TMEM117: variants seen among roughly 807,000 people sequenced by gnomAD.
TMEM117 encodes the protein transmembrane protein 117.
TMEM117 carries 27 observed loss-of-function variants against 52.4 expected under a neutral mutation model. The ratio of observed to expected loss-of-function variants is 0.51; its 90% confidence interval spans 0.38 to 0.71. The LOEUF is 0.71. Among genes scored for constraint, TMEM117 ranks in the 30% least tolerant of loss-of-function variants. The pLI is 0.00. For synonymous variants in TMEM117, 215 were observed against 206.3 expected (o/e 1.04, Z -0.36); for missense variants, 556 against 630.5 (o/e 0.88, Z 1.26).
chr12:44,126,641 GC>G (rs1948329882), intron 3 of TMEM117, among the ~76,000 whole-genome samples: 1 of 152,164 alleles, frequency 6.6e-6, no homozygotes, highest in Admixed American at 6.5e-5. Context: ...AGTACACAGT[GC>G]GCTAGTTGCA....
chr12:43,980,993 A>C (rs999455531), intron 3 of TMEM117, among the ~76,000 whole-genome samples: 4 of 152,164 alleles, frequency 2.6e-5, no homozygotes, highest in Admixed American at 6.5e-5. Flanking sequence ...TTATCTAGAT[A>C]GGTTTCTTTA....
Position 44,319,689 on chromosome 12 carries a change from A to G in TMEM117, c.768+19950A>G, listed in dbSNP as rs769792739. 5.5e-4 allele frequency among the ~76,000 whole-genome samples: 84 copies of G among 152,338 alleles called. 1 individual carries two copies. Among genetic ancestry groups the G allele is most frequent in the Non-Finnish European group, 8.2e-4 (56 of 68,032 alleles). ...CTGATGACGTAAATACAAAAGTGCTAAGTTCTTACATTTATTAAATGAGTG... is the reference window on the plus strand; with the variant it reads ...CTGATGACGTAAATACAAAAGTGCTGAGTTCTTACATTTATTAAATGAGTG... On this transcript the variant is annotated intron_variant, in intron 6 of 7. Coordinates refer to ENST00000266534, the MANE Select transcript of TMEM117 (RefSeq NM_032256.3).
intron 3 of TMEM117, among the ~76,000 whole-genome samples, chr12:44,129,286 T>C (rs1454658171): frequency 1.3e-5 from 2 of 152,180 alleles, no homozygotes. Flanking sequence ...CCATCCACTT[T>C]CCCCACAGTT....
chr12:44,090,290 G>A (rs1281103292), intron 3 of TMEM117, among the ~76,000 whole-genome samples: 1 of 152,010 alleles, frequency 6.6e-6, no homozygotes, highest in Non-Finnish European at 1.5e-5. Context: ...AGTAAACATA[G>A]CCTCTGATAG....
At chr12:43,923,880 T>G (rs61932977) in intron 2 of TMEM117, among the ~76,000 whole-genome samples, 15,263 of 152,158 alleles carry the variant, frequency 0.1, 925 homozygotes, top group Middle Eastern at 0.22. Flanking sequence ...TAGTCAGCAG[T>G]GTTTAATTCA....
intron 3 of TMEM117, among the ~76,000 whole-genome samples, chr12:44,046,644 A>G (rs1946884937): frequency 6.6e-6 from 1 of 152,220 alleles, no homozygotes; most frequent in Non-Finnish European, 1.5e-5. Flanking sequence ...GAAGGTAGTC[A>G]TCAATACCAG....
At chr12:43,877,027 G>T (rs951145453) in intron 2 of TMEM117, among the ~76,000 whole-genome samples, 2 of 151,972 alleles carry the variant, frequency 1.3e-5, no homozygotes, top group African/African-American at 2.4e-5. Context: ...TTGTTCCATT[G>T]AGTGTGTCTA....
chr12:44,285,843 G>C (rs2138607773), intron 5 of TMEM117, among the ~76,000 whole-genome samples: 1 of 152,282 alleles, frequency 6.6e-6, no homozygotes, highest in South Asian at 2.1e-4. Flanking sequence ...TGTTTGAACT[G>C]GTTCTTGGTT....
chr12:43,986,915 A>G (rs917253270), intron 3 of TMEM117, among the ~76,000 whole-genome samples: 2 of 152,090 alleles, frequency 1.3e-5, no homozygotes, highest in African/African-American at 4.8e-5. Context: ...TTTTATTTCC[A>G]TAAGTTTTAT....
At chr12:44,372,242 G>A (rs1014224286) in intron 6 of TMEM117, among the ~76,000 whole-genome samples, 2 of 152,186 alleles carry the variant, frequency 1.3e-5, no homozygotes, top group Admixed American at 6.5e-5. Flanking sequence ...CCCAGGATTA[G>A]CCTCTCTACC....
intron 3 of TMEM117, among the ~76,000 whole-genome samples, chr12:43,953,564 A>C (rs1459201881): frequency 6.6e-6 from 1 of 152,190 alleles, no homozygotes; most frequent in African/African-American, 2.4e-5. Context: ...AGGGCATTAC[A>C]TAATGTTAAA....
At chr12:44,284,246 A>G (rs1950611801) in intron 5 of TMEM117, among the ~76,000 whole-genome samples, 1 of 151,946 alleles carries the variant, frequency 6.6e-6, no homozygotes, top group African/African-American at 2.4e-5. Context: ...CGAGAGGTGG[A>G]GGTTTCAGTG....
rs536379642 is a variant in TMEM117 at position 43,959,028 on chromosome 12, T to C, written c.410+14686T>C. On this transcript the variant is annotated intron_variant, in intron 3 of 7. Coordinates refer to ENST00000266534, the MANE Select transcript of TMEM117 (RefSeq NM_032256.3). ...TTCACCATGTTCGCCAGGATGGTCTTGATCTCCTGACCTCGTGATCCGCCC... is the reference window on the plus strand; with the variant it reads ...TTCACCATGTTCGCCAGGATGGTCTCGATCTCCTGACCTCGTGATCCGCCC... 5.5e-4 allele frequency among the ~76,000 whole-genome samples: 84 copies of C among 152,144 alleles called. No homozygotes were observed. In the South Asian group the frequency reaches 8.1e-3, roughly 15 times the overall value.
At chr12:44,311,719 ATATATATGTATATATATATG>A (rs1462695002) in intron 6 of TMEM117, among the ~76,000 whole-genome samples, 3 of 142,656 alleles carry the variant, frequency 2.1e-5, no homozygotes, top group Non-Finnish European at 4.5e-5. Context: ...AATATTAAAT[ATATATATGTATATATATATG>A]TATATATGTG....
At chr12:44,309,195 A>G (rs1950942046) in intron 6 of TMEM117, among the ~76,000 whole-genome samples, 2 of 152,284 alleles carry the variant, frequency 1.3e-5, no homozygotes, top group South Asian at 4.1e-4. Flanking sequence ...AAAATTTAGG[A>G]TCACTTTTTC....
In TMEM117 at chr12:44,304,861, T is replaced by C. The variant is rs145987371; in HGVS notation, c.768+5122T>C. The stretch of plus-strand genomic sequence containing the variant: ...TGAGTGACATCCAGAGCCATGTTGG[T>C]TTCAGGTGAAACCCAAACATCCCCA... On this transcript the variant is annotated intron_variant, in intron 6 of 7. Coordinates refer to ENST00000266534, the MANE Select transcript of TMEM117 (RefSeq NM_032256.3). Among the ~76,000 whole-genome samples the C allele has an allele frequency of 3.2e-3, 490 of 152,266 alleles. 6 individuals carry two copies. Among genetic ancestry groups the C allele is most frequent in the African/African-American group, 0.011 (437 of 41,538 alleles).
chr12:44,145,033 T>G (rs1034884416), intron 4 of TMEM117, among the ~76,000 whole-genome samples: 2 of 152,094 alleles, frequency 1.3e-5, no homozygotes, highest in Non-Finnish European at 2.9e-5. Flanking sequence ...GGCGGGCGCC[T>G]GTAGTCCCAG....
chr12:44,360,651 A>G (rs1298737751), intron 6 of TMEM117, among the ~76,000 whole-genome samples: 1 of 152,160 alleles, frequency 6.6e-6, no homozygotes, highest in Non-Finnish European at 1.5e-5. Flanking sequence ...TGTGTAAGGT[A>G]AATACTGACC....
intron 2 of TMEM117, among the ~76,000 whole-genome samples, chr12:43,847,736 G>A (rs1212926020): frequency 6.6e-6 from 1 of 152,134 alleles, no homozygotes; most frequent in Non-Finnish European, 1.5e-5. Context: ...TAAATGGAGA[G>A]TTCTAGTAAA....
Sources: allele counts gnomAD v4.1 joint callset (sites outside exome capture counted in the v4.1 genomes callset), GRCh38; gene constraint gnomAD v4.1.1; transcripts MANE v1.5; gene names NCBI Gene and HGNC (gene_info 2026-07-23, HGNC 2026-07-21).